Variants in PJVK observed in about 807,000 individuals in gnomAD.
The protein encoded by PJVK is autosomal recessive deafness type 59 protein.
PJVK carries 33 observed loss-of-function variants against 37.6 expected under a neutral mutation model. The observed-to-expected ratio is 0.88, with a 90% CI of 0.67 to 1.17. The LOEUF is 1.17. PJVK is among the 50% of genes most tolerant of loss of function. PJVK has a pLI of 0.00. For synonymous variants in PJVK, 141 were observed against 143.5 expected (o/e 0.98, Z 0.13); for missense variants, 410 against 413.8 (o/e 0.99, Z 0.08).
Position 178,461,414 on chromosome 2 carries a change from C to T in PJVK, c.*140C>T. On this transcript the variant is annotated 3_prime_UTR_variant, in exon 7 of 7. Transcript: ENST00000644580. ...AATTAACCTGTCTGGGTATCATATTCCCTATCTATAAAGTAGCAATTATAA... is the reference window on the plus strand; with the variant it reads ...AATTAACCTGTCTGGGTATCATATTTCCTATCTATAAAGTAGCAATTATAA... 1.1e-6 allele frequency: 1 copy of T among 876,164 alleles called. No homozygotes were observed. Among genetic ancestry groups the T allele is most frequent in the Admixed American group, 2.5e-5 (1 of 40,670 alleles). 54.3% of individuals were successfully genotyped at this position (876,164 alleles called of 1,614,324 possible). A position where few individuals can be genotyped will look rare whatever the true frequency, so the allele number is the denominator to read the frequency against.
Position 178,452,431 on chromosome 2 carries a change from T to C in PJVK, c.-23+662T>C, listed in dbSNP as rs898767613. On this transcript the variant is annotated intron_variant, in intron 1 of 6. Transcript: ENST00000644580. Reference sequence around the variant, plus strand: ...TTAATTAGAGCCTATTCTCTCTTCCTCTCCGTCTATATATGTATGTATATA... The same window carrying C: ...TTAATTAGAGCCTATTCTCTCTTCCCCTCCGTCTATATATGTATGTATATA... 2.0e-4 allele frequency: 201 copies of C among 985,382 alleles called. No homozygotes were observed. In the African/African-American group the frequency reaches 3.3e-3, roughly 16 times the overall value. The allele number at this position is 985,382 out of a possible 1,614,324, so 61.0% of individuals were successfully genotyped here.
chr2:178,454,855 A>G, intron 3 of PJVK: 2 of 1,059,422 alleles, frequency 1.9e-6, no homozygotes, highest in South Asian at 1.3e-5. Flanking sequence ...TCCCCAGGGA[A>G]GCAGAAGACT....
Position 178,458,589 on chromosome 2 carries a change from G to T in PJVK, c.629G>T (p.Ser210Ile). The change falls in exon 5 of 7, where the codon AGT (serine) becomes ATT (isoleucine). Residue 210 changes from serine (S) to isoleucine (I), a missense_variant. Physicochemically the swap from Ser to Ile is moderately radical, Grantham distance 142 (BLOSUM62 -2). Coordinates refer to ENST00000644580, the MANE Select transcript of PJVK (RefSeq NM_001042702.5). ...VFPAHTTIAFSVFELFIYLDG... is the reference protein window; with the variant it reads ...VFPAHTTIAFIVFELFIYLDG... ...CCAGCACATACAACCATAGCTTTCA[G>T]TGTTTTTGAACTCTTCATATACCTG... The T allele has an allele frequency of 6.2e-7, 1 of 1,614,074 alleles. No individual in the cohort carries two copies. The highest frequency in any genetic ancestry group is 8.5e-7 in the Non-Finnish European group (1 of 1,179,974).
chr2:178,460,255 CAATG>C, intron 5 of PJVK, 89 bp from the exon 6 acceptor site: 1 of 1,060,560 alleles, frequency 9.4e-7, no homozygotes, highest in Non-Finnish European at 1.4e-6. Flanking sequence ...AAAAACAATA[CAATG>C]AATGATTTGT....
At position 178,461,333 on chromosome 2, in the gene PJVK, CT is replaced by C; in HGVS notation, c.*60del. On this transcript the variant is annotated 3_prime_UTR_variant, in exon 7 of 7. Transcript: ENST00000644580. ...GGTGCAGTTGTGCCACAAACCTTCCCTAAATTATCTAGGTTTGCTTTGATGA... is the reference window on the plus strand; with the variant it reads ...GGTGCAGTTGTGCCACAAACCTTCCCAAATTATCTAGGTTTGCTTTGATGA... The C allele has an allele frequency of 6.3e-7, 1 of 1,580,958 alleles. No individual in the cohort carries two copies. Among genetic ancestry groups the C allele is most frequent in the South Asian group, 1.1e-5 (1 of 89,582 alleles).
Position 178,455,080 on chromosome 2 carries a change from G to C in PJVK, c.407+553G>C, listed in dbSNP as rs976050191. The C allele has an allele frequency of 3.3e-6, 5 of 1,535,802 alleles. No homozygotes were observed. The Admixed American group carries it at 8.3e-5, about 26-fold the overall frequency. ...AGGTGGGGCTCAAGGGGCAGCCAGC[G>C]ATCATCGATGGGGAGCTCTACAACG... On this transcript the variant is annotated intron_variant, in intron 3 of 6. Transcript: ENST00000644580.
At chr2:178,452,856 A>G (rs1008381449) in intron 1 of PJVK, 17 of 163,352 alleles carry the variant, frequency 1.0e-4, no homozygotes, top group Non-Finnish European at 2.1e-4. Context: ...TTGTAAGCAT[A>G]TAAGATGGAA....
Position 178,451,597 on chromosome 2 carries a change from C to A in PJVK, c.-195C>A. On this transcript the variant is annotated 5_prime_UTR_variant, in exon 1 of 7. Transcript: ENST00000644580. The stretch of plus-strand genomic sequence containing the variant: ...GCAGAATTCCAGGGAGTCTCCCGGG[C>A]CTGGTCCTGAAGCTTGAGACCCCGG... The A allele has an allele frequency of 6.3e-6, 1 of 158,110 alleles. No individual in the cohort carries two copies. Among genetic ancestry groups the A allele is most frequent in the Non-Finnish European group, 1.4e-5 (1 of 73,186 alleles). The allele number at this position is 158,110 out of a possible 1,614,324, so 9.8% of individuals were successfully genotyped here.
At position 178,451,924 on chromosome 2, in the gene PJVK, A is replaced by G. The variant is rs1158815512; in HGVS notation, c.-23+155A>G. On this transcript the variant is annotated intron_variant, in intron 1 of 6. Transcript: ENST00000644580. ...CCAGGGGCTTGCTAGGCACTAGCAG[A>G]AATGCTCCCCTGTGCTTACTCGGTG... is the stretch of plus-strand genomic sequence containing the variant. 5.0e-6 allele frequency: 4 copies of G among 796,552 alleles called. No homozygotes were observed. The African/African-American group carries it at 7.5e-5, about 15-fold the overall frequency. The allele number at this position is 796,552 out of a possible 1,614,324, so 49.3% of individuals were successfully genotyped here. A position where few individuals can be genotyped will look rare whatever the true frequency, so the allele number is the denominator to read the frequency against.
Position 178,456,038 on chromosome 2 carries a change from C to G in PJVK, c.436C>G (p.Arg146Gly). The G allele has an allele frequency of 6.2e-7, 1 of 1,614,086 alleles. No homozygotes were observed. Among genetic ancestry groups the G allele is most frequent in the Non-Finnish European group, 8.5e-7 (1 of 1,180,016 alleles). Residue 146 changes from arginine to glycine, a missense_variant, in exon 4 of 7, where the codon CGT becomes GGT. Transcript: ENST00000644580. ...RKINFDHSLI[R>G]QSRSSRKAVL... is the part of the protein sequence containing the mutation. ...AATTAACTTTGACCACAGCTTGATA[C>G]GTCAGTCAAGGAGCAGCAGAAAGGC...
chr2:178,460,875 C>T (rs1028911712), intron 6 of PJVK, 107 bp from the exon 7 acceptor site: 1 of 844,248 alleles, frequency 1.2e-6, no homozygotes, highest in Non-Finnish European at 1.7e-6. Flanking sequence ...AAAAAAAAGC[C>T]AAATTATTTC....
rs1684521385 is a variant in PJVK at position 178,461,759 on chromosome 2, A to T, written c.*485A>T. Among the ~76,000 whole-genome samples the T allele has an allele frequency of 6.6e-6, 1 of 151,652 alleles. No homozygotes were observed. Among genetic ancestry groups the T allele is most frequent in the Non-Finnish European group, 1.5e-5 (1 of 67,918 alleles). Reference sequence around the variant, plus strand: ...CCACCACGCCTGGCTAATTTTTTGTATTTTTAGTAGAGACAGAGTTTTACC... The same window carrying T: ...CCACCACGCCTGGCTAATTTTTTGTTTTTTTAGTAGAGACAGAGTTTTACC... On this transcript the variant is annotated 3_prime_UTR_variant, in exon 7 of 7. Coordinates refer to ENST00000644580, the MANE Select transcript of PJVK (RefSeq NM_001042702.5).
intron 1 of PJVK, chr2:178,452,608 GGCCA>G: frequency 1.0e-6 from 1 of 985,294 alleles, no homozygotes; most frequent in Non-Finnish European, 1.2e-6. Flanking sequence ...CTTAAAAACA[GGCCA>G]GAACTTTATA....
intron 5 of PJVK, among the ~76,000 whole-genome samples, chr2:178,458,990 T>C (rs77047884): frequency 6.6e-6 from 1 of 152,238 alleles, no homozygotes; most frequent in South Asian, 2.1e-4. Flanking sequence ...AGTAGGTAGA[T>C]AGTAGGATGC....
In PJVK at chr2:178,455,213, G is replaced by A. The variant is rs1024119814; in HGVS notation, c.407+686G>A. On this transcript the variant is annotated intron_variant, in intron 3 of 6. Coordinates refer to ENST00000644580, the MANE Select transcript of PJVK (RefSeq NM_001042702.5). ...GTGGTGGAGCCGCTTGGTGTCCAGT[G>A]ACCCTGAGATCAATACCAAGAAGAT... 8 of 1,569,956 alleles carry A rather than the reference G, an allele frequency of 5.1e-6. No homozygotes were observed. The Admixed American group carries it at 1.2e-4, about 23-fold the overall frequency.
At chr2:178,459,077 G>C (rs1684319376) in intron 5 of PJVK, 1 of 452,768 alleles carries the variant, frequency 2.2e-6, no homozygotes, top group Admixed American at 2.4e-5. Flanking sequence ...CATAGACCCA[G>C]CTTCCCCTTG....
At chr2:178,455,928 T>C in intron 3 of PJVK, 82 bp from the exon 4 acceptor site, 1 of 1,507,514 alleles carries the variant, frequency 6.6e-7, no homozygotes, top group Non-Finnish European at 9.1e-7. Flanking sequence ...TATGAATGAA[T>C]AACACATGAT....
At position 178,456,155 on chromosome 2, in the gene PJVK, A is replaced by C. The variant is rs1159539361; in HGVS notation, c.549+4A>C. 1 of 1,613,818 alleles carries C rather than the reference A, an allele frequency of 6.2e-7. No homozygotes were observed. The highest frequency in any genetic ancestry group is 1.7e-5 in the Admixed American group (1 of 59,962). On this transcript the variant is annotated splice_donor_region_variant and intron_variant, in intron 4 of 6. Coordinates refer to ENST00000644580, the MANE Select transcript of PJVK (RefSeq NM_001042702.5). ...AATTCGAGGGGAAGCAATGCGGGTA[A>C]ACCACACTTGTTGGGTTCTCTTACT...
At chr2:178,454,311 A>C (rs1697910326) in intron 2 of PJVK, 21 bp from the exon 3 acceptor site, 6 of 1,591,062 alleles carry the variant, frequency 3.8e-6, no homozygotes, top group Non-Finnish European at 5.2e-6. Flanking sequence ...TTTAAAAAAT[A>C]CTGAGTTTCT....
Sources: allele counts gnomAD v4.1 joint callset (sites outside exome capture counted in the v4.1 genomes callset), GRCh38; gene constraint gnomAD v4.1.1; transcripts MANE v1.5; gene names NCBI Gene and HGNC (gene_info 2026-07-23, HGNC 2026-07-21).